NEK11: variants seen among roughly 807,000 people sequenced by gnomAD.
The protein encoded by NEK11 is serine/threonine-protein kinase Nek11.
NEK11 carries 72 observed loss-of-function variants against 80.7 expected under a neutral mutation model. That is an observed-to-expected ratio of 0.89 (90% CI 0.74 to 1.08). NEK11 has a LOEUF of 1.08. Among genes scored for constraint, NEK11 ranks in the 50% least tolerant of loss-of-function variants. The probability of loss-of-function intolerance (pLI) is 0.00; values close to 1 mark genes in which losing one functional copy is unlikely to be tolerated. For synonymous variants in NEK11, 251 were observed against 260.7 expected (o/e 0.96, Z 0.36); for missense variants, 764 against 763.6 (o/e 1.00, Z -0.01).
At chr3:131,254,027 G>A (rs1434439188) in intron 16 of NEK11, among the ~76,000 whole-genome samples, 2 of 152,146 alleles carry the variant, frequency 1.3e-5, no homozygotes, top group East Asian at 3.9e-4. Flanking sequence ...GTCTGGCAAG[G>A]TAGCAGACAT....
intron 16 of NEK11, among the ~76,000 whole-genome samples, chr3:131,271,983 C>T (rs975446570): frequency 6.6e-6 from 1 of 151,864 alleles, no homozygotes; most frequent in Non-Finnish European, 1.5e-5. Flanking sequence ...GCCTGTAATC[C>T]CAGCTACTCA....
intron 3 of NEK11, among the ~76,000 whole-genome samples, chr3:131,060,967 T>C (rs2070746508): frequency 6.6e-6 from 1 of 152,208 alleles, no homozygotes; most frequent in Non-Finnish European, 1.5e-5. Flanking sequence ...GAACTGTATT[T>C]GTTTGTTTTT....
chr3:131,042,210 TG>T, intron 3 of NEK11, among the ~76,000 whole-genome samples: 1 of 113,928 alleles, frequency 8.8e-6, no homozygotes, highest in Non-Finnish European at 2.3e-5. Context: ...TTTTGTTTTT[TG>T]TTTTTTTTTT....
intron 7 of NEK11, among the ~76,000 whole-genome samples, chr3:131,143,590 TC>T (rs200362228): frequency 0.049 from 7,512 of 152,112 alleles, 265 homozygotes; most frequent in Non-Finnish European, 0.078. Context: ...ATCTACTGTT[TC>T]CCCCCAAATG....
chr3:131,153,974 G>C (rs2090179143), intron 9 of NEK11, among the ~76,000 whole-genome samples: 1 of 152,204 alleles, frequency 6.6e-6, no homozygotes, highest in Non-Finnish European at 1.5e-5. Flanking sequence ...GCCATGTAAA[G>C]AGCCTCAGAA....
At chr3:131,274,702 G>A (rs1054506675) in intron 17 of NEK11, among the ~76,000 whole-genome samples, 17 of 128,498 alleles carry the variant, frequency 1.3e-4, no homozygotes, top group African/African-American at 4.1e-4. Flanking sequence ...GCCGGACTGC[G>A]GACTGCAGTG....
intron 17 of NEK11, among the ~76,000 whole-genome samples, chr3:131,332,893 G>A (rs992327453): frequency 1.7e-4 from 26 of 152,282 alleles, no homozygotes; most frequent in African/African-American, 5.5e-4. Context: ...TGAATGAAAC[G>A]AAGCGAGAAG....
intron 2 of NEK11, among the ~76,000 whole-genome samples, chr3:131,029,008 A>G (rs1240096767): frequency 1.3e-5 from 2 of 152,246 alleles, no homozygotes; most frequent in African/African-American, 4.8e-5. Flanking sequence ...GAGATTATAC[A>G]CAATGTGTAC....
At chr3:131,331,906 T>G (rs888746404) in intron 17 of NEK11, among the ~76,000 whole-genome samples, 1 of 152,066 alleles carries the variant, frequency 6.6e-6, no homozygotes, top group Non-Finnish European at 1.5e-5. Context: ...GCAGCGAGGC[T>G]GGGGGAGGGG....
At chr3:131,214,000 C>T (rs1176386618) in intron 14 of NEK11, among the ~76,000 whole-genome samples, 1 of 152,126 alleles carries the variant, frequency 6.6e-6, no homozygotes. Context: ...CCATGCTCCT[C>T]CACCATATGA....
chr3:131,080,505 A>G lies in NEK11; in HGVS notation c.253A>G (p.Lys85Glu). 6.2e-7 allele frequency: 1 copy of G among 1,614,096 alleles called. No homozygotes were observed. Among genetic ancestry groups the G allele is most frequent in the South Asian group, 1.1e-5 (1 of 91,062 alleles). ...QANLEAQLLS[K>E]LDHPAIVKFH... Reference sequence around the variant, plus strand: ...CAATTTGGAAGCCCAACTCCTCTCCAAGCTGGACCACCCAGCCATTGTCAA... The same window carrying G: ...CAATTTGGAAGCCCAACTCCTCTCCGAGCTGGACCACCCAGCCATTGTCAA... Residue 85 changes from lysine to glutamate, a missense_variant, in exon 4 of 18, where the codon AAG becomes GAG. Transcript: ENST00000383366.
intron 14 of NEK11, among the ~76,000 whole-genome samples, chr3:131,203,330 C>CA (rs1239331874): frequency 2.0e-5 from 3 of 147,984 alleles, no homozygotes; most frequent in South Asian, 4.3e-4. Context: ...ATCGCAAGGA[C>CA]AAAAAACCAA....
rs377303757 is a variant in NEK11, at chr3:131,279,755, C to T, written c.1718+6181C>T. Among the ~76,000 whole-genome samples the T allele has an allele frequency of 4.6e-5, 7 of 152,302 alleles. No individual in the cohort carries two copies. The East Asian group carries it at 7.7e-4, about 17-fold the overall frequency. On this transcript the variant is annotated intron_variant, in intron 17 of 17. Coordinates refer to ENST00000383366, the MANE Select transcript of NEK11 (RefSeq NM_024800.5). ...GTTAGTTATGAATATGGATCTAGATCTATGCATAGTCATATGCTAGAGCCT... is the reference window on the plus strand; with the variant it reads ...GTTAGTTATGAATATGGATCTAGATTTATGCATAGTCATATGCTAGAGCCT...
rs144065682 is a variant in NEK11, at chr3:131,197,203, C to T, written c.1399+26316C>T. ...CAGCTAGTCCTGTCTCTGAGTACCC[C>T]CTCTCAACAGGAAAACCCAAGTGCT... On this transcript the variant is annotated intron_variant, in intron 14 of 17. Transcript: ENST00000383366. Among the ~76,000 whole-genome samples the T allele has an allele frequency of 1.5e-4, 23 of 152,214 alleles. No individual in the cohort carries two copies. The East Asian group carries it at 4.2e-3, about 28-fold the overall frequency.
At chr3:131,228,280 T>C (rs2095253646) in intron 14 of NEK11, among the ~76,000 whole-genome samples, 1 of 152,208 alleles carries the variant, frequency 6.6e-6, no homozygotes, top group African/African-American at 2.4e-5. Flanking sequence ...TCTTATTTAA[T>C]GATTTTTTTC....
At chr3:131,267,335 C>G (rs2096078332) in intron 16 of NEK11, among the ~76,000 whole-genome samples, 1 of 152,174 alleles carries the variant, frequency 6.6e-6, no homozygotes, top group Non-Finnish European at 1.5e-5. Context: ...ACTGGTCGTT[C>G]CTTTCCATGT....
At chr3:131,028,262 G>C (rs1204473326) in intron 2 of NEK11, among the ~76,000 whole-genome samples, 1 of 152,148 alleles carries the variant, frequency 6.6e-6, no homozygotes, top group Non-Finnish European at 1.5e-5. Context: ...GTTCTGTTTT[G>C]AGGATTTTTG....
chr3:131,156,005 C>T (rs2090589902), intron 10 of NEK11, among the ~76,000 whole-genome samples: 1 of 152,050 alleles, frequency 6.6e-6, no homozygotes, highest in African/African-American at 2.4e-5. Context: ...GTCGAAATTT[C>T]CAATTGTATT....
intron 7 of NEK11, among the ~76,000 whole-genome samples, chr3:131,150,311 C>T (rs773844352): frequency 5.9e-5 from 9 of 151,868 alleles, no homozygotes; most frequent in Non-Finnish European, 7.4e-5. Flanking sequence ...TTGTTGGTTG[C>T]ATTTACATCA....
Sources: allele counts gnomAD v4.1 joint callset (sites outside exome capture counted in the v4.1 genomes callset), GRCh38; gene constraint gnomAD v4.1.1; transcripts MANE v1.5; gene names NCBI Gene and HGNC (gene_info 2026-07-23, HGNC 2026-07-21).